Variants in TOR1AIP2 observed in about 807,000 individuals in gnomAD.
The protein encoded by TOR1AIP2 is torsin 1A interacting protein 2, also known as torsin-1A-interacting protein 2.
A neutral mutation model predicts 32.6 loss-of-function variants in TOR1AIP2; 20 were observed. The ratio of observed to expected loss-of-function variants is 0.61; its 90% CI spans 0.43 to 0.89. The LOEUF is 0.89. Ranked by LOEUF, TOR1AIP2 falls within the 40% of genes least tolerant of loss-of-function variation. The pLI is 0.00. For synonymous variants in TOR1AIP2, 214 were observed against 210.8 expected, an observed-to-expected ratio of 1.02 and a Z score of -0.13; for missense variants, 456 against 553.8, an observed-to-expected ratio of 0.82 and a Z score of 1.77.
Position 179,863,566 on chromosome 1 carries a change from C to T in TOR1AIP2, c.-147+1870G>A, listed in dbSNP as rs147459252. 1.9e-3 allele frequency: 1,862 copies of T among 983,876 alleles called. 31 individuals carry two copies. In the African/African-American group the frequency reaches 0.031, roughly 16 times the overall value. The allele number at this position is 983,876 out of a possible 1,614,324, so 60.9% of individuals were successfully genotyped here. A position where few individuals can be genotyped will look rare whatever the true frequency, so the allele number is the denominator to read the frequency against. Reference sequence around the variant, plus strand: ...ATCCTAGGCCGGGTAGGGTGGCTCACGCCTGTAATCCCAGCACCTTGGGAG... The same window carrying T: ...ATCCTAGGCCGGGTAGGGTGGCTCATGCCTGTAATCCCAGCACCTTGGGAG... On this transcript the variant is annotated intron_variant, in intron 3 of 6. Transcript: ENST00000609928.
At chr1:179,871,222 C>A (rs559216698) in intron 2 of TOR1AIP2, among the ~76,000 whole-genome samples, 28 of 152,246 alleles carry the variant, frequency 1.8e-4, no homozygotes, top group African/African-American at 6.5e-4. Flanking sequence ...AGCAAAAAAA[C>A]AAAATTTGAG....
intron 3 of TOR1AIP2, chr1:179,864,616 C>G: frequency 7.2e-7 from 1 of 1,392,348 alleles, no homozygotes; most frequent in Non-Finnish European, 9.3e-7. Context: ...TAACTAAATT[C>G]ATGTGAATAA....
At chr1:179,867,710 G>C (rs569217932) in intron 2 of TOR1AIP2, 49 of 152,216 alleles carry the variant, frequency 3.2e-4, no homozygotes, top group African/African-American at 1.1e-3. Flanking sequence ...GGACTCTATT[G>C]GTAGGAGTCA....
rs200558019 is a variant in TOR1AIP2, at chr1:179,851,107, G to A, written c.291C>T (p.Gly97=). The A allele has an allele frequency of 1.5e-5, 25 of 1,614,116 alleles. No individual in the cohort carries two copies. Among genetic ancestry groups the A allele is most frequent in the Middle Eastern group, 1.6e-4 (1 of 6,062 alleles). ...CTGAAGGGAGGTGATGCCCTTTTCC[G>A]CCATCCAGAAAACTCTGCTTGTTCT... ...EDENKQSFLD[G]GKGHHLPSEN... The change falls in exon 5 of 7, where the codon GGC becomes GGT. Residue 97 remains glycine, a synonymous_variant. Coordinates refer to ENST00000609928, the MANE Select transcript of TOR1AIP2 (RefSeq NM_001199260.2).
At position 179,852,635 on chromosome 1, in the gene TOR1AIP2, C is replaced by G; in HGVS notation, c.31G>C (p.Glu11Gln). The change falls in exon 4 of 7, where the codon GAG (glutamate) becomes CAG (glutamine). Residue 11 changes from glutamate (E) to glutamine (Q), a missense_variant. Glu to Gln is a conservative substitution (Grantham distance 29, BLOSUM62 2). Transcript: ENST00000609928. MADSGLREPQ[E>Q]DSQKDLENDP... ...GTGCCAGACAAATCAGTCTTACCCT[C>G]TTGAGGTTCCCTAAGTCCACTGTCG... The G allele has an allele frequency of 6.2e-7, 1 of 1,614,074 alleles. No homozygotes were observed.
In TOR1AIP2 at chr1:179,860,151, A is replaced by G. The variant is rs80189331; in HGVS notation, c.-147+5285T>C. On this transcript the variant is annotated intron_variant, in intron 3 of 6. Transcript: ENST00000609928. ...TGAGCCACCAGCCAATAAGTTTATAATAATTCAGCCATCAGTTCAAACAAT... is the reference window on the plus strand; with the variant it reads ...TGAGCCACCAGCCAATAAGTTTATAGTAATTCAGCCATCAGTTCAAACAAT... 478 of 985,418 alleles carry G rather than the reference A, an allele frequency of 4.9e-4. 5 individuals carry two copies. In the East Asian group the frequency reaches 0.012, roughly 24 times the overall value. The allele number at this position is 985,418 out of a possible 1,614,324, so 61.0% of individuals were successfully genotyped here.
At chr1:179,847,708 C>A in intron 5 of TOR1AIP2, 72 bp from the exon 6 acceptor site, 1 of 1,021,604 alleles carries the variant, frequency 9.8e-7, no homozygotes. Context: ...TTATATCTCT[C>A]ACCAAACCAA....
chr1:179,860,499 C>G, intron 3 of TOR1AIP2: 1 of 985,486 alleles, frequency 1.0e-6, no homozygotes, highest in South Asian at 4.7e-5. Flanking sequence ...CAAAACAAAA[C>G]AAGTAAGACT....
At chr1:179,860,813 G>A (rs1311555603) in intron 3 of TOR1AIP2, 2 of 985,334 alleles carry the variant, frequency 2.0e-6, no homozygotes, top group African/African-American at 3.5e-5. Context: ...ATTCCATGGA[G>A]ACTCAGGGTT....
rs529759317 is a variant in TOR1AIP2, at chr1:179,846,229, T to C, written c.1255A>G (p.Arg419Gly). The C allele has an allele frequency of 5.0e-5, 81 of 1,614,110 alleles. No homozygotes were observed. Among genetic ancestry groups the C allele is most frequent in the African/African-American group, 6.7e-5 (5 of 74,936 alleles). Residue 419 changes from arginine to glycine, a missense_variant, in exon 7 of 7, where the codon AGA becomes GGA. Physicochemically the swap from Arg to Gly is moderately radical, Grantham distance 125. Coordinates refer to ENST00000609928, the MANE Select transcript of TOR1AIP2 (RefSeq NM_001199260.2). Reference protein sequence around the residue: ...VGPRETEEKVRDLLWAKFTNS... With the variant: ...VGPRETEEKVGDLLWAKFTNS... The stretch of plus-strand genomic sequence containing the variant: ...GTAAACTTGGCCCAGAGTAAGTCTC[T>C]CACTTTTTCTTCCGTTTCCCTTGGG...
intron 3 of TOR1AIP2, chr1:179,859,424 T>C: frequency 8.1e-6 from 8 of 985,446 alleles, no homozygotes; most frequent in Non-Finnish European, 8.4e-6. Flanking sequence ...GACCTAACCA[T>C]GACACTTTTA....
chr1:179,874,365 G>T (rs906461818), intron 2 of TOR1AIP2: 5 of 152,252 alleles, frequency 3.3e-5, no homozygotes, highest in Non-Finnish European at 5.9e-5. Context: ...AGTAAGCCAT[G>T]ATAGTGCCAC....
At chr1:179,876,338 T>C (rs1418521283) in intron 2 of TOR1AIP2, among the ~76,000 whole-genome samples, 1 of 152,200 alleles carries the variant, frequency 6.6e-6, no homozygotes, top group African/African-American at 2.4e-5. Flanking sequence ...ATTTATAAAT[T>C]ATTGAAGCTC....
At position 179,869,675 on chromosome 1, in the gene TOR1AIP2, T is replaced by A. The variant is rs569703896; in HGVS notation, c.-565-3821A>T. ...TTAAGCAACCATCTCTTCATAGAAA[T>A]AAGGTAAAAGAAGCCTACCTAATGG... On this transcript the variant is annotated intron_variant, in intron 2 of 6. Coordinates refer to ENST00000609928, the MANE Select transcript of TOR1AIP2 (RefSeq NM_001199260.2). Among the ~76,000 whole-genome samples, 21 of 152,282 alleles carry A rather than the reference T, an allele frequency of 1.4e-4. No individual in the cohort carries two copies. The South Asian group carries it at 2.1e-3, about 15-fold the overall frequency.
intron 2 of TOR1AIP2, among the ~76,000 whole-genome samples, chr1:179,876,611 C>T (rs1370101767): frequency 1.3e-5 from 2 of 151,924 alleles, no homozygotes; most frequent in Non-Finnish European, 2.9e-5. Flanking sequence ...TTAAATGTTT[C>T]CACTGGCCTT....
intron 3 of TOR1AIP2, chr1:179,863,148 C>A: frequency 7.7e-6 from 5 of 645,938 alleles, no homozygotes; most frequent in Non-Finnish European, 9.6e-6. Context: ...ATTGCTTGAA[C>A]CCGGAAGGCA....
At chr1:179,870,752 C>G (rs975404340) in intron 2 of TOR1AIP2, among the ~76,000 whole-genome samples, 1 of 152,204 alleles carries the variant, frequency 6.6e-6, no homozygotes, top group African/African-American at 2.4e-5. Flanking sequence ...ATCCCTATAA[C>G]ACAGAGTTGG....
chr1:179,861,863 G>A (rs1696546843), intron 3 of TOR1AIP2: 1 of 949,278 alleles, frequency 1.1e-6, no homozygotes, highest in Non-Finnish European at 1.3e-6. Context: ...TATCTTTTAT[G>A]TTGTTTTTTT....
intron 2 of TOR1AIP2, chr1:179,875,414 G>A (rs942052695): frequency 6.6e-6 from 1 of 152,178 alleles, no homozygotes; most frequent in African/African-American, 2.4e-5. Flanking sequence ...GGCAACCACA[G>A]GGGCACAAAA....
Sources: gnomAD v4.1 joint callset for allele counts (sites outside exome capture counted in the v4.1 genomes callset) on GRCh38, gnomAD v4.1.1 for gene constraint, MANE v1.5 for transcripts, NCBI Gene and HGNC (gene_info 2026-07-23, HGNC 2026-07-21) for gene names.